CA1: variants seen among roughly 807,000 people sequenced by gnomAD.
The protein encoded by CA1 is carbonate dehydratase I.
In CA1, 27 loss-of-function variants were observed where a neutral mutation model predicts 28.8. The observed-to-expected ratio is 0.94, with a 90% confidence interval of 0.69 to 1.29. CA1 has a LOEUF of 1.29. Among genes scored for constraint, CA1 ranks in the 50% most tolerant of loss-of-function variants. The probability of loss-of-function intolerance (pLI) is 0.00; values close to 1 mark genes in which losing one functional copy is unlikely to be tolerated. For synonymous variants in CA1, 121 were observed against 108.8 expected (o/e 1.11, Z -0.70); for missense variants, 335 against 310.5 (o/e 1.08, Z -0.59).
chr8:85,374,744 A>G (rs1372553182), intron 1 of CA1, among the ~76,000 whole-genome samples: 2 of 152,212 alleles, frequency 1.3e-5, no homozygotes, highest in Non-Finnish European at 2.9e-5. Flanking sequence ...GGGAGCCATT[A>G]GGAAGCACAC....
At chr8:85,357,083 T>C (rs1260338533) in intron 1 of CA1, among the ~76,000 whole-genome samples, 1 of 152,132 alleles carries the variant, frequency 6.6e-6, no homozygotes, top group Non-Finnish European at 1.5e-5. Flanking sequence ...TTGGAGCAAA[T>C]GTATGAATAG....
chr8:85,370,302 C>T (rs1810166557), intron 1 of CA1, among the ~76,000 whole-genome samples: 1 of 152,114 alleles, frequency 6.6e-6, no homozygotes, highest in Non-Finnish European at 1.5e-5. Context: ...TTTGTTCAGA[C>T]TTCATTCAAA....
chr8:85,329,115 C>G (rs1228542764), intron 7 of CA1, among the ~76,000 whole-genome samples: 1 of 152,078 alleles, frequency 6.6e-6, no homozygotes, highest in African/African-American at 2.4e-5. Flanking sequence ...ATAGCATGTG[C>G]TCAATAAATG....
intron 1 of CA1, among the ~76,000 whole-genome samples, chr8:85,354,091 G>C (rs1393900384): frequency 3.3e-5 from 5 of 151,112 alleles, no homozygotes; most frequent in African/African-American, 1.2e-4. Context: ...AGCCTCCCGA[G>C]TAGCTGGGAT....
intron 3 of CA1, 71 bp downstream of exon 3, chr8:85,338,181 C>T (rs1808739536): frequency 8.1e-7 from 1 of 1,242,116 alleles, no homozygotes; most frequent in African/African-American, 1.5e-5. Context: ...TGTCATATTT[C>T]TCGAGCACTA....
At chr8:85,372,498 G>C (rs1585972505) in intron 1 of CA1, among the ~76,000 whole-genome samples, 1 of 149,566 alleles carries the variant, frequency 6.7e-6, no homozygotes, top group Non-Finnish European at 1.5e-5. Flanking sequence ...GAGAACAGGG[G>C]ATTCTACAGA....
intron 1 of CA1, among the ~76,000 whole-genome samples, chr8:85,359,769 C>T (rs949012047): frequency 2.0e-5 from 3 of 152,244 alleles, no homozygotes; most frequent in Non-Finnish European, 4.4e-5. Context: ...ATAACAAAGG[C>T]TTATTCCACT....
chr8:85,375,524 A>C (rs1485395090), intron 1 of CA1, among the ~76,000 whole-genome samples: 1 of 152,286 alleles, frequency 6.6e-6, no homozygotes, highest in South Asian at 2.1e-4. Context: ...TTTTGAAAAA[A>C]AAAAAAGATT....
chr8:85,366,850 T>C (rs1003118090), intron 1 of CA1, among the ~76,000 whole-genome samples: 1 of 152,182 alleles, frequency 6.6e-6, no homozygotes. Context: ...TGCACACTTA[T>C]GTAGTCAGTG....
intron 3 of CA1, 184 bp from the exon 4 acceptor site, chr8:85,337,247 G>C (rs937396820): frequency 3.3e-6 from 2 of 610,606 alleles, no homozygotes. Flanking sequence ...GTGCACCCCT[G>C]ACTGTGGCAT....
chr8:85,373,196 T>C (rs1810294313), intron 1 of CA1, among the ~76,000 whole-genome samples: 1 of 152,198 alleles, frequency 6.6e-6, no homozygotes, highest in Non-Finnish European at 1.5e-5. Flanking sequence ...AGATGGGTGT[T>C]TCGTTAAGAC....
At chr8:85,332,208 A>G (rs1287798982) in intron 6 of CA1, among the ~76,000 whole-genome samples, 1 of 152,206 alleles carries the variant, frequency 6.6e-6, no homozygotes, top group African/African-American at 2.4e-5. Context: ...TTTGTTAGAT[A>G]TAGTTTTTCA....
At chr8:85,354,352 C>T (rs577020945) in intron 1 of CA1, among the ~76,000 whole-genome samples, 1 of 150,660 alleles carries the variant, frequency 6.6e-6, no homozygotes, top group African/African-American at 2.4e-5. Context: ...TGACAGCTTT[C>T]TTTAAAGGGA....
intron 1 of CA1, among the ~76,000 whole-genome samples, chr8:85,368,492 C>T (rs553533205): frequency 6.6e-6 from 1 of 151,962 alleles, no homozygotes; most frequent in South Asian, 2.1e-4. Flanking sequence ...AAAATTCTAC[C>T]TGTGTTTAGT....
chr8:85,347,161 T>C lies in CA1; in HGVS notation c.-24-5502A>G, dbSNP rs1367163067. On this transcript the variant is annotated intron_variant, in intron 1 of 7. Transcript: ENST00000523022. The stretch of plus-strand genomic sequence containing the variant: ...AGCTCTTAAATCCTTTTATCAAAGA[T>C]TAGATTTCTAAAATACATTTGTAAT... Among the ~76,000 whole-genome samples, 7 of 152,230 alleles carry C rather than the reference T, an allele frequency of 4.6e-5. No homozygotes were observed. In the South Asian group the frequency reaches 8.3e-4, roughly 18 times the overall value.
At chr8:85,348,077 T>A (rs983876120) in intron 1 of CA1, among the ~76,000 whole-genome samples, 3 of 152,212 alleles carry the variant, frequency 2.0e-5, no homozygotes, top group Non-Finnish European at 4.4e-5. Flanking sequence ...TTTTTAAAAA[T>A]CCTAAATGCT....
chr8:85,371,299 T>C lies in CA1; in HGVS notation c.-25+6747A>G, dbSNP rs145931951. Among the ~76,000 whole-genome samples, 16 of 152,326 alleles carry C rather than the reference T, an allele frequency of 1.1e-4. No homozygotes were observed. In the East Asian group the frequency reaches 2.9e-3, roughly 28 times the overall value. On this transcript the variant is annotated intron_variant, in intron 1 of 7. Coordinates refer to ENST00000523022, the MANE Select transcript of CA1 (RefSeq NM_001128831.4). ...TAAGCCTCTGGCTTGATAATGATTC[T>C]GGCGCCCTAGGCTTTCTAGGTCTGT...
chr8:85,361,448 G>A (rs1261693831), intron 1 of CA1, among the ~76,000 whole-genome samples: 2 of 152,124 alleles, frequency 1.3e-5, no homozygotes, highest in Admixed American at 6.5e-5. Context: ...AAGCCGAAGC[G>A]GGATGATTGC....
intron 1 of CA1, among the ~76,000 whole-genome samples, chr8:85,349,253 C>T (rs763083282): frequency 1.3e-5 from 2 of 151,974 alleles, no homozygotes; most frequent in Admixed American, 6.6e-5. Context: ...TTAAGAAGTT[C>T]GGAGGCTGAG....
Sources: gnomAD v4.1 joint callset for allele counts (sites outside exome capture counted in the v4.1 genomes callset) on GRCh38, gnomAD v4.1.1 for gene constraint, MANE v1.5 for transcripts, NCBI Gene and HGNC (gene_info 2026-07-23, HGNC 2026-07-21) for gene names.